The following NELL2 variants were observed in gnomAD, a reference collection of about 807,000 sequenced individuals.
NELL2 encodes the protein neural EGFL like 2.
NELL2 carries 41 observed loss-of-function variants against 109.6 expected under a neutral mutation model. That is an observed-to-expected ratio of 0.37 (90% CI 0.29 to 0.49). The LOEUF is 0.49. Among genes scored for constraint, NELL2 ranks in the 20% least tolerant of loss-of-function variants. The pLI, the probability that NELL2 is intolerant of heterozygous loss-of-function variation, is 0.98. For missense variants in NELL2, 900 were observed against 1,008.3 expected, an observed-to-expected ratio of 0.89 and a Z score of 1.45; for synonymous variants, 355 against 344.7, an observed-to-expected ratio of 1.03 and a Z score of -0.33.
intron 14 of NELL2, among the ~76,000 whole-genome samples, chr12:44,610,040 A>G (rs1945552895): frequency 6.6e-6 from 1 of 151,872 alleles, no homozygotes; most frequent in Admixed American, 6.6e-5. Flanking sequence ...ACAGTGGGGG[A>G]AAAGGCGAGT....
chr12:44,524,623 T>G (rs1398865109), intron 16 of NELL2, among the ~76,000 whole-genome samples: 1 of 152,192 alleles, frequency 6.6e-6, no homozygotes, highest in African/African-American at 2.4e-5. Flanking sequence ...AAATTTCTTA[T>G]ATACTTAAAT....
intron 15 of NELL2, among the ~76,000 whole-genome samples, chr12:44,565,066 G>T (rs1233815793): frequency 6.6e-6 from 1 of 152,134 alleles, no homozygotes; most frequent in Non-Finnish European, 1.5e-5. Context: ...CCCAGGTAAT[G>T]GAGTCTGATA....
At chr12:44,874,943 G>C (rs1192234781) in intron 2 of NELL2, 1 of 296,332 alleles carries the variant, frequency 3.4e-6, no homozygotes, top group African/African-American at 2.2e-5. Flanking sequence ...TTGTTCCCCA[G>C]ATTCTAAAAT....
intron 12 of NELL2, among the ~76,000 whole-genome samples, chr12:44,681,806 C>T (rs1429074866): frequency 2.0e-5 from 3 of 151,974 alleles, no homozygotes; most frequent in East Asian, 1.9e-4. Context: ...TTTTCTTAAT[C>T]CAGTCTATCA....
intron 9 of NELL2, among the ~76,000 whole-genome samples, chr12:44,752,969 C>T (rs757183339): frequency 9.2e-5 from 14 of 152,134 alleles, no homozygotes; most frequent in Non-Finnish European, 2.1e-4. Flanking sequence ...TCTTGTAAGC[C>T]ACAGCTCCTT....
At chr12:44,565,469 G>A in intron 15 of NELL2, among the ~76,000 whole-genome samples, 1 of 152,120 alleles carries the variant, frequency 6.6e-6, no homozygotes, top group Non-Finnish European at 1.5e-5. Flanking sequence ...TGTAACTCTT[G>A]TGTGACAGGA....
chr12:44,844,966 C>T (rs2136760422), intron 2 of NELL2, among the ~76,000 whole-genome samples: 1 of 152,192 alleles, frequency 6.6e-6, no homozygotes, highest in East Asian at 1.9e-4. Flanking sequence ...CACATACTTC[C>T]AGCCTATCCC....
chr12:44,766,196 T>A (rs182183384), intron 9 of NELL2, among the ~76,000 whole-genome samples: 48 of 152,292 alleles, frequency 3.2e-4, no homozygotes, highest in South Asian at 1.0e-3. Flanking sequence ...AGCTCCTATA[T>A]CATTGTTTTC....
At chr12:44,565,171 A>G (rs1333930864) in intron 15 of NELL2, among the ~76,000 whole-genome samples, 1 of 152,164 alleles carries the variant, frequency 6.6e-6, no homozygotes, top group Non-Finnish European at 1.5e-5. Context: ...ACCTTAGAAC[A>G]TTCTTCCTCA....
chr12:44,528,097 CAAAAAAAAA>C (rs71093812), intron 16 of NELL2, among the ~76,000 whole-genome samples: 147 of 21,986 alleles, frequency 6.7e-3, no homozygotes, highest in African/African-American at 0.012. Context: ...GACTCCGTCT[CAAAAAAAAA>C]AAAAAAAAAA....
At chr12:44,773,557 T>A (rs11611007) in intron 9 of NELL2, among the ~76,000 whole-genome samples, 28,889 of 152,102 alleles carry the variant, frequency 0.19, 3,010 homozygotes, top group South Asian at 0.27. Flanking sequence ...TATGTATATA[T>A]GGTCCTTCTT....
upstream of NELL2, among the ~76,000 whole-genome samples, chr12:44,918,517 ATGTGTGTG>A (rs10589306): frequency 6.6e-3 from 823 of 123,960 alleles, 4 homozygotes; most frequent in African/African-American, 0.015. Context: ...GCATGCATGT[ATGTGTGTG>A]TGTGTGTGTG....
chr12:44,701,227 A>G (rs1949218379), intron 12 of NELL2, among the ~76,000 whole-genome samples: 1 of 152,170 alleles, frequency 6.6e-6, no homozygotes, highest in Non-Finnish European at 1.5e-5. Flanking sequence ...GTTATTTGGA[A>G]TAAATAACAA....
chr12:44,901,718 T>G (rs1260051830), intron 1 of NELL2, among the ~76,000 whole-genome samples: 1 of 152,216 alleles, frequency 6.6e-6, no homozygotes, highest in East Asian at 1.9e-4. Context: ...CAAGTCAGCT[T>G]CATCCCTGGG....
intron 2 of NELL2, among the ~76,000 whole-genome samples, chr12:44,869,519 A>G (rs1330599437): frequency 1.3e-5 from 2 of 152,124 alleles, no homozygotes; most frequent in Non-Finnish European, 2.9e-5. Context: ...AGGCCACACC[A>G]GCAGCAATTT....
chr12:44,742,968 T>C (rs1429216079), intron 9 of NELL2, among the ~76,000 whole-genome samples: 1 of 152,064 alleles, frequency 6.6e-6, no homozygotes, highest in Non-Finnish European at 1.5e-5. Flanking sequence ...AAGATACTTC[T>C]TGAGAAGAGC....
intron 15 of NELL2, among the ~76,000 whole-genome samples, chr12:44,557,460 G>T (rs1413675959): frequency 6.6e-6 from 1 of 152,152 alleles, no homozygotes; most frequent in Non-Finnish European, 1.5e-5. Flanking sequence ...GAAGAACACT[G>T]AAGAGGACAA....
intron 11 of NELL2, among the ~76,000 whole-genome samples, chr12:44,709,722 A>G (rs1938090606): frequency 6.6e-6 from 1 of 152,196 alleles, no homozygotes; most frequent in Non-Finnish European, 1.5e-5. Flanking sequence ...CCCCAGACCT[A>G]CTGAATCAGA....
chr12:44,592,722 T>C (rs1020021840), intron 15 of NELL2, among the ~76,000 whole-genome samples: 1 of 152,142 alleles, frequency 6.6e-6, no homozygotes, highest in Non-Finnish European at 1.5e-5. Context: ...TACCAAGATA[T>C]GTGCTATTGC....
Sources: gnomAD v4.1 joint callset for allele counts (sites outside exome capture counted in the v4.1 genomes callset) on GRCh38, gnomAD v4.1.1 for gene constraint, MANE v1.5 for transcripts, NCBI Gene and HGNC (gene_info 2026-07-23, HGNC 2026-07-21) for gene names.